The following JMJD1C variants were observed in gnomAD, a reference collection of about 807,000 sequenced individuals.
JMJD1C encodes jumonji domain-containing protein 1C.
JMJD1C carries 31 observed loss-of-function variants against 245.3 expected under a neutral mutation model. The observed-to-expected ratio is 0.13, with a 90% CI of 0.09 to 0.17. The LOEUF (loss-of-function observed/expected upper bound fraction) is 0.17, where lower values mean the gene tolerates loss of function less well. Ranked by LOEUF, JMJD1C falls within the 10% of genes least tolerant of loss-of-function variation. JMJD1C has a pLI of 1.00. For synonymous variants in JMJD1C, 1,057 were observed against 1,017.4 expected, an observed-to-expected ratio of 1.04 and a Z score of -0.74; for missense variants, 2,691 against 3,000.2, an observed-to-expected ratio of 0.90 and a Z score of 2.41.
At position 63,264,725 on chromosome 10, in the gene JMJD1C, C is replaced by T. The variant is rs1301332087; in HGVS notation, c.373G>A (p.Val125Ile). 5 of 1,597,588 alleles carry T rather than the reference C, an allele frequency of 3.1e-6. No homozygotes were observed. The highest frequency in any genetic ancestry group is 4.3e-6 in the Non-Finnish European group (5 of 1,171,622). Residue 125 changes from valine (V) to isoleucine (I), a missense_variant, in exon 3 of 26, where the codon GTC becomes ATC. Physicochemically the swap from Val to Ile is conservative, Grantham distance 29. Around this residue, in one of 9 missense-constraint regions of JMJD1C, gnomAD observed 172 missense variants for 240.8 expected, o/e 0.71. Transcript: ENST00000399262. ...PLVERNIPSS[V>I]TAVEFLVDKQ... ...TCTACAAGGAATTCTACTGCAGTGACTGAACTGGGTATATTTCTTTCAACC... is the reference window on the plus strand; with the variant it reads ...TCTACAAGGAATTCTACTGCAGTGATTGAACTGGGTATATTTCTTTCAACC...
intron 3 of JMJD1C, among the ~76,000 whole-genome samples, chr10:63,254,112 T>C (rs1446557044): frequency 6.6e-6 from 1 of 152,182 alleles, no homozygotes; most frequent in African/African-American, 2.4e-5. Flanking sequence ...GACAAGGGCT[T>C]CATTTTAAAG....
chr10:63,508,277 C>T (rs1332773107), intron 1 of JMJD1C, among the ~76,000 whole-genome samples: 4 of 152,112 alleles, frequency 2.6e-5, no homozygotes, highest in African/African-American at 4.8e-5. Flanking sequence ...CCTTTGCCAA[C>T]GATCATTTGA....
chr10:63,243,831 G>A (rs1269126745), intron 3 of JMJD1C, among the ~76,000 whole-genome samples: 2 of 152,096 alleles, frequency 1.3e-5, no homozygotes, highest in African/African-American at 4.8e-5. Flanking sequence ...AAAACCAGAA[G>A]CAGATAATAA....
In JMJD1C at chr10:63,398,415, T is replaced by C. The variant is rs1008250283; in HGVS notation, c.169-17933A>G. 1.4e-4 allele frequency among the ~76,000 whole-genome samples: 22 copies of C among 152,160 alleles called. 1 individual carries two copies. Among genetic ancestry groups the C allele is most frequent in the Admixed American group, 1.0e-3 (16 of 15,276 alleles). ...TAAAATATGTTTCTCCATTCTTGTA[T>C]TTCCAGTAATTGTTTAACTGGAGTA... On this transcript the variant is annotated intron_variant, in intron 1 of 25. Transcript: ENST00000399262.
rs567368136 is a variant in JMJD1C, at chr10:63,325,657, T to C, written c.333+54661A>G. ...CTGATTAGATATCTAATTACTAAAT[T>C]CAATTACATTTTGGTGCCGTCTCTC... is the stretch of plus-strand genomic sequence containing the variant. On this transcript the variant is annotated intron_variant, in intron 2 of 25. Transcript: ENST00000399262. Among the ~76,000 whole-genome samples, 23 of 152,336 alleles carry C rather than the reference T, an allele frequency of 1.5e-4. No individual in the cohort carries two copies. The South Asian group carries it at 4.3e-3, about 29-fold the overall frequency.
intron 2 of JMJD1C, among the ~76,000 whole-genome samples, chr10:63,358,139 G>A (rs1442252144): frequency 6.6e-6 from 1 of 151,966 alleles, no homozygotes; most frequent in East Asian, 1.9e-4. Context: ...ATAGATATAG[G>A]AAATACTTAT....
At chr10:63,463,996 T>G (rs992770655) in intron 1 of JMJD1C, among the ~76,000 whole-genome samples, 1 of 152,144 alleles carries the variant, frequency 6.6e-6, no homozygotes, top group African/African-American at 2.4e-5. Flanking sequence ...TTTTTTTCCT[T>G]TTTTACAGAT....
intron 24 of JMJD1C, among the ~76,000 whole-genome samples, 166 bp from the exon 25 acceptor site, chr10:63,168,732 T>G (rs1011909603): frequency 2.6e-5 from 4 of 152,210 alleles, no homozygotes; most frequent in Non-Finnish European, 5.9e-5. Flanking sequence ...TATGAGAAAG[T>G]TATGTCACTG....
At chr10:63,219,724 T>C (rs1848392682) in intron 4 of JMJD1C, among the ~76,000 whole-genome samples, 154 bp downstream of exon 4, 1 of 152,160 alleles carries the variant, frequency 6.6e-6, no homozygotes, top group African/African-American at 2.4e-5. Flanking sequence ...CTATCAAAAT[T>C]ATTATCACTC....
intron 1 of JMJD1C, among the ~76,000 whole-genome samples, chr10:63,516,229 T>C (rs1399454059): frequency 9.2e-6 from 1 of 108,576 alleles, no homozygotes; most frequent in Non-Finnish European, 1.9e-5. Context: ...TTCTGGACTT[T>C]GAGGGAAAAA....
intron 2 of JMJD1C, among the ~76,000 whole-genome samples, chr10:63,317,217 T>C (rs1687176252): frequency 6.6e-6 from 1 of 151,604 alleles, no homozygotes; most frequent in Admixed American, 6.6e-5. Context: ...TATTTTGAAA[T>C]ATAAAACGCT....
At chr10:63,170,690 T>C (rs1190491688) in intron 24 of JMJD1C, among the ~76,000 whole-genome samples, 1 of 152,200 alleles carries the variant, frequency 6.6e-6, no homozygotes, top group African/African-American at 2.4e-5. Context: ...AAAATGACTT[T>C]TAGAACAGTA....
intron 3 of JMJD1C, among the ~76,000 whole-genome samples, chr10:63,237,461 A>G (rs1400405697): frequency 1.3e-5 from 2 of 152,328 alleles, no homozygotes; most frequent in East Asian, 1.9e-4. Context: ...GAAATGATGA[A>G]TCTATAAATG....
intron 2 of JMJD1C, among the ~76,000 whole-genome samples, chr10:63,273,716 A>G (rs1026236807): frequency 3.9e-5 from 6 of 152,138 alleles, no homozygotes; most frequent in Non-Finnish European, 8.8e-5. Context: ...GGGGAAGAGG[A>G]AACTACTCCA....
At chr10:63,179,925 A>G (rs958587036) in intron 22 of JMJD1C, among the ~76,000 whole-genome samples, 55 of 152,234 alleles carry the variant, frequency 3.6e-4, no homozygotes, top group Non-Finnish European at 1.5e-4. Flanking sequence ...TACAAAGTAT[A>G]TATCAGATGT....
intron 1 of JMJD1C, among the ~76,000 whole-genome samples, chr10:63,387,513 C>T (rs1335378905): frequency 6.7e-6 from 1 of 148,526 alleles, no homozygotes; most frequent in African/African-American, 2.5e-5. Context: ...ATGTATTCAT[C>T]GAATCAAACA....
chr10:63,470,549 A>T (rs988631190), upstream of JMJD1C, among the ~76,000 whole-genome samples: 7 of 152,194 alleles, frequency 4.6e-5, no homozygotes, highest in African/African-American at 1.7e-4. Flanking sequence ...AAGAAAAAAC[A>T]TTCATTTCAT....
chr10:63,482,222 T>C (rs1434786382), intron 1 of JMJD1C, among the ~76,000 whole-genome samples: 1 of 152,230 alleles, frequency 6.6e-6, no homozygotes, highest in Non-Finnish European at 1.5e-5. Context: ...TCCAAGAACT[T>C]ACCAAGACAT....
intron 1 of JMJD1C, among the ~76,000 whole-genome samples, chr10:63,459,546 C>T (rs1952641404): frequency 6.6e-6 from 1 of 152,136 alleles, no homozygotes; most frequent in Non-Finnish European, 1.5e-5. Context: ...ATTTATACTT[C>T]ATACACATTA....
Sources: allele counts gnomAD v4.1 joint callset (sites outside exome capture counted in the v4.1 genomes callset), GRCh38; gene constraint gnomAD v4.1.1; regional missense constraint gnomAD v4.1.1; transcripts MANE v1.5; gene names NCBI Gene and HGNC (gene_info 2026-07-23, HGNC 2026-07-21).